SERPINB5: variants seen among roughly 807,000 people sequenced by gnomAD.
The protein encoded by SERPINB5 is serpin B5.
In SERPINB5, 27 loss-of-function variants were observed where a neutral mutation model predicts 32.2. The observed-to-expected ratio is 0.84, with a 90% CI of 0.62 to 1.16. SERPINB5 has a LOEUF of 1.16. SERPINB5 is among the 50% of genes most tolerant of loss of function. The pLI, the probability that SERPINB5 is intolerant of heterozygous loss-of-function variation, is 0.00. For synonymous variants in SERPINB5, 154 were observed against 157.4 expected (o/e 0.98, Z 0.16); for missense variants, 388 against 436.3 (o/e 0.89, Z 0.99).
chr18:63,478,700 A>G (rs1411075360), intron 1 of SERPINB5, among the ~76,000 whole-genome samples: 1 of 152,108 alleles, frequency 6.6e-6, no homozygotes, highest in African/African-American at 2.4e-5. Flanking sequence ...TTCCATCTTT[A>G]AAATGAGGCA....
At chr18:63,492,555 A>T (rs1003758035) in intron 4 of SERPINB5, among the ~76,000 whole-genome samples, 4 of 152,192 alleles carry the variant, frequency 2.6e-5, no homozygotes, top group Non-Finnish European at 5.9e-5. Flanking sequence ...TCCTGAATCC[A>T]CCCTTGTTTA....
intron 5 of SERPINB5, chr18:63,497,086 C>T (rs935941455): frequency 3.4e-6 from 2 of 593,254 alleles, no homozygotes; most frequent in Non-Finnish European, 6.5e-6. Flanking sequence ...TTGAATAGCC[C>T]AGAGCATTCA....
At chr18:63,478,748 TA>T (rs1274188588) in intron 1 of SERPINB5, among the ~76,000 whole-genome samples, 1 of 141,604 alleles carries the variant, frequency 7.1e-6, no homozygotes, top group Non-Finnish European at 1.5e-5. Context: ...TCTGACACAG[TA>T]AAAACGTAGT....
chr18:63,479,442 T>A (rs1917090836), intron 1 of SERPINB5, among the ~76,000 whole-genome samples: 1 of 152,308 alleles, frequency 6.6e-6, no homozygotes, highest in African/African-American at 2.4e-5. Flanking sequence ...GCCCAGTACA[T>A]GCGTCTCCAT....
chr18:63,496,869 A>T, intron 5 of SERPINB5: 1 of 280,010 alleles, frequency 3.6e-6, no homozygotes, highest in Non-Finnish European at 7.1e-6. Flanking sequence ...ATAGGAGCAA[A>T]GAGAAGAAAA....
intron 1 of SERPINB5, among the ~76,000 whole-genome samples, chr18:63,479,445 G>A (rs145100526): frequency 6.3e-4 from 96 of 152,268 alleles, no homozygotes; most frequent in African/African-American, 2.2e-3. Flanking sequence ...CAGTACATGC[G>A]TCTCCATTCA....
At position 63,503,837 on chromosome 18, in the gene SERPINB5, A is replaced by G. The variant is rs1278314870; in HGVS notation, c.*115A>G. 9.9e-6 allele frequency: 11 copies of G among 1,107,588 alleles called. No homozygotes were observed. The highest frequency in any genetic ancestry group is 1.3e-5 in the Non-Finnish European group (10 of 761,566). The allele number at this position is 1,107,588 out of a possible 1,614,324, so 68.6% of individuals were successfully genotyped here. A position where few individuals can be genotyped will look rare whatever the true frequency, so the allele number is the denominator to read the frequency against. ...AATAAATTGCTAATGTTGCTGGATC[A>G]GGAAGCCGCCAGTACTTGTCATATG... On this transcript the variant is annotated 3_prime_UTR_variant, in exon 7 of 7. Coordinates refer to ENST00000382771, the MANE Select transcript of SERPINB5 (RefSeq NM_002639.5).
At chr18:63,489,135 T>G (rs760854197) in intron 3 of SERPINB5, among the ~76,000 whole-genome samples, 1 of 152,244 alleles carries the variant, frequency 6.6e-6, no homozygotes, top group Non-Finnish European at 1.5e-5. Flanking sequence ...TAGATGCATT[T>G]AATAATTGAA....
chr18:63,478,598 C>A (rs1917073758), intron 1 of SERPINB5, among the ~76,000 whole-genome samples: 1 of 152,098 alleles, frequency 6.6e-6, no homozygotes, highest in African/African-American at 2.4e-5. Context: ...TTTTGGCATT[C>A]CATTACTGAT....
At chr18:63,477,740 T>G (rs1327031658) in intron 1 of SERPINB5, among the ~76,000 whole-genome samples, 1 of 152,232 alleles carries the variant, frequency 6.6e-6, no homozygotes, top group Non-Finnish European at 1.5e-5. Flanking sequence ...GCTGTACACT[T>G]TTTCTTATGG....
Position 63,497,207 on chromosome 18 carries a change from A to G in SERPINB5, c.568-1913A>G, listed in dbSNP as rs879218917. 9.1e-5 allele frequency: 64 copies of G among 703,720 alleles called. 1 individual carries two copies. The highest frequency in any genetic ancestry group is 8.6e-4 in the South Asian group (64 of 74,060). The allele number at this position is 703,720 out of a possible 1,614,324, so 43.6% of individuals were successfully genotyped here. On this transcript the variant is annotated intron_variant, in intron 5 of 6. Coordinates refer to ENST00000382771, the MANE Select transcript of SERPINB5 (RefSeq NM_002639.5). ...ACCGCAGCCAAGTTTATTGGTGCTG[A>G]GGCAGACACAGTTGGTGTGGTTGGT...
At chr18:63,493,181 C>A (rs757234635) in intron 5 of SERPINB5, 86 bp downstream of exon 5, 14 of 1,572,832 alleles carry the variant, frequency 8.9e-6, no homozygotes, top group Non-Finnish European at 1.2e-5. Flanking sequence ...AAATCCATTC[C>A]AATGAGGAAC....
intron 4 of SERPINB5, 66 bp from the exon 5 acceptor site, chr18:63,492,887 A>C: frequency 1.3e-6 from 2 of 1,554,974 alleles, no homozygotes; most frequent in Non-Finnish European, 1.7e-6. Context: ...GTGAATATGC[A>C]TGTGAATTTC....
At position 63,503,560 on chromosome 18, in the gene SERPINB5, G is replaced by A. The variant is rs755395985; in HGVS notation, c.966G>A (p.Val322=). 1 of 1,614,264 alleles carries A rather than the reference G, an allele frequency of 6.2e-7. No homozygotes were observed. Among genetic ancestry groups the A allele is most frequent in the South Asian group, 1.1e-5 (1 of 91,092 alleles). Residue 322 remains valine (V), a synonymous_variant, in exon 7 of 7, where the codon GTG becomes GTA. Coordinates refer to ENST00000382771, the MANE Select transcript of SERPINB5 (RefSeq NM_002639.5). ...GVALSNVIHK[V]CLEITEDGGD... ...CCCTATCAAATGTTATCCACAAAGT[G>A]TGCTTAGAAATAACTGAAGATGGTG...
chr18:63,495,051 C>CT (rs1208645911), intron 5 of SERPINB5, among the ~76,000 whole-genome samples: 1 of 152,232 alleles, frequency 6.6e-6, no homozygotes, highest in African/African-American at 2.4e-5. Flanking sequence ...ACAATGATGA[C>CT]TGTTACTGCT....
chr18:63,499,002 T>TATATAC (rs1909511572), intron 5 of SERPINB5, 118 bp from the exon 6 acceptor site: 1 of 465,608 alleles, frequency 2.1e-6, no homozygotes, highest in Non-Finnish European at 3.5e-6. Flanking sequence ...TGTGTCTGTA[T>TATATAC]ATATACATGT....
In SERPINB5 at chr18:63,503,729, T is replaced by C. The variant is rs1299425787; in HGVS notation, c.*7T>C. On this transcript the variant is annotated 3_prime_UTR_variant, in exon 7 of 7. Transcript: ENST00000382771. ...CAAATTCTGTTCTCCTTAAGTGGCA[T>C]AGCCCATGTTAAGTCCTCCCTGACT... is the stretch of plus-strand genomic sequence containing the variant. 1 of 1,613,288 alleles carries C rather than the reference T, an allele frequency of 6.2e-7. No individual in the cohort carries two copies. Among genetic ancestry groups the C allele is most frequent in the South Asian group, 1.1e-5 (1 of 90,888 alleles).
chr18:63,494,178 T>C (rs776312580), intron 5 of SERPINB5, among the ~76,000 whole-genome samples: 25 of 151,764 alleles, frequency 1.6e-4, no homozygotes, highest in Non-Finnish European at 2.8e-4. Context: ...AAAAATTAGC[T>C]GGGCATGGTG....
At position 63,486,991 on chromosome 18, in the gene SERPINB5, A is replaced by T. The variant is rs779307659; in HGVS notation, c.214A>T (p.Thr72Ser). Reference sequence around the variant, plus strand: ...CAAAGATGTACCCTTTGGATTTCAAACAGTAACATCGGATGTAAACAAACT... The same window carrying T: ...CAAAGATGTACCCTTTGGATTTCAATCAGTAACATCGGATGTAAACAAACT... The part of the protein sequence containing the change: ...NVKDVPFGFQ[T>S]VTSDVNKLSS... Residue 72 changes from threonine (T) to serine (S), a missense_variant, in exon 3 of 7, where the codon ACA (threonine) becomes TCA (serine). Physicochemically the swap from Thr to Ser is moderately conservative, Grantham distance 58. Transcript: ENST00000382771. 2.5e-6 allele frequency: 4 copies of T among 1,614,072 alleles called. No individual in the cohort carries two copies. The African/African-American group carries it at 5.3e-5, about 22-fold the overall frequency.
Sources: allele counts gnomAD v4.1 joint callset (sites outside exome capture counted in the v4.1 genomes callset), GRCh38; gene constraint gnomAD v4.1.1; transcripts MANE v1.5; gene names NCBI Gene and HGNC (gene_info 2026-07-23, HGNC 2026-07-21).